MCC: variants seen among roughly 807,000 people sequenced by gnomAD.
MCC encodes MCC regulator of Wnt signaling pathway.
In MCC, 90 loss-of-function variants were observed where a neutral mutation model predicts 116.2. That is an observed-to-expected ratio of 0.77 (90% CI 0.65 to 0.92). MCC has a LOEUF of 0.92. MCC is among the 40% of genes least tolerant of loss of function. The pLI, the probability that MCC is intolerant of heterozygous loss-of-function variation, is 0.00. For synonymous variants in MCC, 578 were observed against 510.5 expected, an observed-to-expected ratio of 1.13 and a Z score of -1.78; for missense variants, 1,516 against 1,312.2, an observed-to-expected ratio of 1.16 and a Z score of -2.40.
chr5:113,340,034 G>T (rs746951836), intron 3 of MCC, among the ~76,000 whole-genome samples: 7 of 152,248 alleles, frequency 4.6e-5, no homozygotes, highest in Non-Finnish European at 7.3e-5. Flanking sequence ...GAAGGAAAAA[G>T]GAAGGTAAAT....
At chr5:113,047,959 C>T (rs902030836) in intron 16 of MCC, among the ~76,000 whole-genome samples, 2 of 152,214 alleles carry the variant, frequency 1.3e-5, no homozygotes, top group Non-Finnish European at 2.9e-5. Context: ...CCTCTGCCGG[C>T]AGGCTGATTC....
At chr5:113,133,426 T>C (rs555692552) in intron 5 of MCC, among the ~76,000 whole-genome samples, 52 of 152,252 alleles carry the variant, frequency 3.4e-4, no homozygotes, top group Non-Finnish European at 5.9e-4. Context: ...TCATGTAACA[T>C]AGCAACCTCC....
chr5:113,187,098 T>C (rs192125357), intron 3 of MCC, among the ~76,000 whole-genome samples: 2 of 152,258 alleles, frequency 1.3e-5, no homozygotes, highest in African/African-American at 4.8e-5. Context: ...ACCAAACCAT[T>C]CCAAACTCAT....
At chr5:113,093,236 T>C (rs1755766366) in intron 8 of MCC, among the ~76,000 whole-genome samples, 1 of 152,222 alleles carries the variant, frequency 6.6e-6, no homozygotes, top group South Asian at 2.1e-4. Flanking sequence ...TGAATGTGAC[T>C]AGTGAATATA....
At chr5:113,366,800 T>G (rs1223826213) in intron 2 of MCC, among the ~76,000 whole-genome samples, 3 of 152,144 alleles carry the variant, frequency 2.0e-5, no homozygotes, top group Non-Finnish European at 4.4e-5. Flanking sequence ...TTAAAATTAT[T>G]TATTTATTTA....
chr5:113,067,142 C>G (rs1753669099), intron 13 of MCC, among the ~76,000 whole-genome samples: 1 of 152,154 alleles, frequency 6.6e-6, no homozygotes, highest in Non-Finnish European at 1.5e-5. Context: ...TTCCACCTTA[C>G]TCAAAATTGA....
intron 3 of MCC, among the ~76,000 whole-genome samples, chr5:113,257,156 C>A (rs1765038485): frequency 6.6e-6 from 1 of 152,114 alleles, no homozygotes; most frequent in Admixed American, 6.6e-5. Flanking sequence ...ATTTCTGGGG[C>A]TAAGCGTGTT....
chr5:113,102,941 C>T (rs924720341), intron 7 of MCC, among the ~76,000 whole-genome samples: 6 of 152,048 alleles, frequency 3.9e-5, no homozygotes, highest in Admixed American at 2.6e-4. Flanking sequence ...AGGTGAAACC[C>T]TGTCTCTACT....
chr5:113,176,515 G>T (rs1761343423), intron 3 of MCC, among the ~76,000 whole-genome samples: 1 of 152,342 alleles, frequency 6.6e-6, no homozygotes, highest in Non-Finnish European at 1.5e-5. Context: ...AAGTCCAACA[G>T]CTAAGGGTGA....
At chr5:113,385,585 A>T (rs978500714) in intron 1 of MCC, among the ~76,000 whole-genome samples, 1 of 152,250 alleles carries the variant, frequency 6.6e-6, no homozygotes, top group Admixed American at 6.5e-5. Flanking sequence ...CATAGAACAG[A>T]CATTATTTCT....
At chr5:113,176,705 T>C (rs1159267402) in intron 3 of MCC, among the ~76,000 whole-genome samples, 2 of 152,150 alleles carry the variant, frequency 1.3e-5, no homozygotes, top group African/African-American at 4.8e-5. Flanking sequence ...TGAACAAATA[T>C]GGGCCATGAG....
At chr5:113,367,520 C>G (rs1465916522) in intron 2 of MCC, among the ~76,000 whole-genome samples, 1 of 150,268 alleles carries the variant, frequency 6.7e-6, no homozygotes, top group Non-Finnish European at 1.5e-5. Context: ...CTGTTACTGA[C>G]TAGAGGTTCT....
chr5:113,458,005 G>T (rs530912212), intron 1 of MCC, among the ~76,000 whole-genome samples: 1 of 152,058 alleles, frequency 6.6e-6, no homozygotes, highest in Admixed American at 6.5e-5. Context: ...GAGAACCTTT[G>T]TGTCTAGCTC....
At chr5:113,165,254 A>G (rs1268688604) in intron 3 of MCC, among the ~76,000 whole-genome samples, 1 of 152,184 alleles carries the variant, frequency 6.6e-6, no homozygotes, top group Non-Finnish European at 1.5e-5. Flanking sequence ...CTCCCTCAAA[A>G]GCAGCCTGTC....
intron 1 of MCC, among the ~76,000 whole-genome samples, chr5:113,461,537 G>A (rs1771741829): frequency 6.6e-6 from 1 of 151,842 alleles, no homozygotes; most frequent in Non-Finnish European, 1.5e-5. Context: ...AGGTATGGTG[G>A]CTCATGCCTG....
chr5:113,379,133 G>A (rs1769051083), intron 2 of MCC, among the ~76,000 whole-genome samples: 1 of 152,142 alleles, frequency 6.6e-6, no homozygotes, highest in African/African-American at 2.4e-5. Context: ...GTCATTTCTG[G>A]GAGTGGCCTC....
chr5:113,241,163 C>T (rs1431488016), intron 3 of MCC, among the ~76,000 whole-genome samples: 1 of 152,220 alleles, frequency 6.6e-6, no homozygotes, highest in Admixed American at 6.5e-5. Context: ...ACTCAACTAA[C>T]TTGCAGTCTT....
rs138764018 is a variant in MCC, at chr5:113,153,107, T to C, written c.628-1685A>G. Among the ~76,000 whole-genome samples the C allele has an allele frequency of 2.6e-5, 4 of 152,338 alleles. No individual in the cohort carries two copies. The East Asian group carries it at 7.7e-4, about 29-fold the overall frequency. ...AGGATTTTTCTTCAGCATCTGACAC[T>C]GTGGCATGTTACGCTATTATACCAA... On this transcript the variant is annotated intron_variant, in intron 3 of 18. Coordinates refer to ENST00000408903, the MANE Select transcript of MCC (RefSeq NM_001085377.2).
At chr5:113,429,491 AG>A (rs1018779710) in intron 1 of MCC, among the ~76,000 whole-genome samples, 3 of 152,294 alleles carry the variant, frequency 2.0e-5, no homozygotes, top group Admixed American at 2.0e-4. Flanking sequence ...TGACTAAGAT[AG>A]GGGGTGAAGG....
Sources: gnomAD v4.1 joint callset for allele counts (sites outside exome capture counted in the v4.1 genomes callset) on GRCh38, gnomAD v4.1.1 for gene constraint, MANE v1.5 for transcripts, NCBI Gene and HGNC (gene_info 2026-07-23, HGNC 2026-07-21) for gene names.